Variants in MACROD2 observed in about 807,000 individuals in gnomAD.
MACROD2 encodes the protein mono-ADP ribosylhydrolase 2.
In MACROD2, 36 loss-of-function variants were observed where a neutral mutation model predicts 70.4. The observed-to-expected ratio is 0.51, with a 90% CI of 0.39 to 0.68. The LOEUF is 0.68. Among genes scored for constraint, MACROD2 ranks in the 30% least tolerant of loss-of-function variants. MACROD2 has a pLI of 0.00. For synonymous variants in MACROD2, 172 were observed against 178.8 expected (o/e 0.96, Z 0.30); for missense variants, 496 against 538.4 (o/e 0.92, Z 0.78).
At chr20:15,044,013 G>T (rs563199410) in intron 5 of MACROD2, among the ~76,000 whole-genome samples, 1 of 152,276 alleles carries the variant, frequency 6.6e-6, no homozygotes, top group Non-Finnish European at 1.5e-5. Flanking sequence ...ACTCCATTGT[G>T]TAGGGTTTTT....
rs549570847 is a variant in MACROD2, at chr20:15,936,214, CTATA to C, written c.839-1257_839-1254del. 8.1e-3 allele frequency among the ~76,000 whole-genome samples: 1,183 copies of C among 145,492 alleles called. 8 individuals carry two copies. Among genetic ancestry groups the C allele is most frequent in the Non-Finnish European group, 0.013 (851 of 67,256 alleles). Reference sequence around the variant, plus strand: ...AATATACCATATATGTATAAATATACTATATATAAACTATAGAGTCCATGTAGTA... The same window carrying C: ...AATATACCATATATGTATAAATATACTATAAACTATAGAGTCCATGTAGTA... On this transcript the variant is annotated intron_variant, in intron 11 of 17. Transcript: ENST00000684519.
intron 6 of MACROD2, among the ~76,000 whole-genome samples, chr20:15,305,319 A>G (rs1242348817): frequency 6.6e-6 from 1 of 151,910 alleles, no homozygotes; most frequent in African/African-American, 2.4e-5. Flanking sequence ...TTTCACTTAC[A>G]CTGTCCTCTT....
intron 12 of MACROD2, among the ~76,000 whole-genome samples, chr20:15,957,101 C>A (rs1224414386): frequency 6.6e-6 from 1 of 152,010 alleles, no homozygotes; most frequent in Non-Finnish European, 1.5e-5. Context: ...CTTATAGATG[C>A]TGTTGAGAGT....
rs1287951793 is a variant in MACROD2, at chr20:14,435,565, GTACCCC to G, written c.272-57912_272-57907del. Among the ~76,000 whole-genome samples the G allele has an allele frequency of 2.0e-5, 3 of 152,214 alleles. No homozygotes were observed. The East Asian group carries it at 5.8e-4, about 29-fold the overall frequency. On this transcript the variant is annotated intron_variant, in intron 3 of 17. Coordinates refer to ENST00000684519, the MANE Select transcript of MACROD2 (RefSeq NM_001351661.2). Reference sequence around the variant, plus strand: ...TTTTAATTCAACAGATAGTTATTGAGTACCCCTTATGCGTCATTATAGGTCCTGAAG... The same window carrying G: ...TTTTAATTCAACAGATAGTTATTGAGTTATGCGTCATTATAGGTCCTGAAG...
chr20:15,726,836 G>A (rs750716637), intron 8 of MACROD2, among the ~76,000 whole-genome samples: 3 of 152,008 alleles, frequency 2.0e-5, no homozygotes, highest in Non-Finnish European at 4.4e-5. Context: ...TTAGACCCTT[G>A]TCAGATGCAT....
At chr20:15,071,914 T>C (rs1298493316) in intron 5 of MACROD2, among the ~76,000 whole-genome samples, 1 of 152,160 alleles carries the variant, frequency 6.6e-6, no homozygotes, top group African/African-American at 2.4e-5. Flanking sequence ...CTTCTATTAT[T>C]GTGATTCTCA....
At chr20:14,120,234 AGAAG>A (rs2054569125) in intron 3 of MACROD2, among the ~76,000 whole-genome samples, 2 of 147,510 alleles carry the variant, frequency 1.4e-5, no homozygotes, top group African/African-American at 5.0e-5. Context: ...AAAAAAAAAA[AGAAG>A]AAGACATTTA....
intron 3 of MACROD2, among the ~76,000 whole-genome samples, chr20:14,140,882 C>G (rs751629279): frequency 3.3e-5 from 5 of 152,130 alleles, no homozygotes; most frequent in African/African-American, 4.8e-5. Flanking sequence ...ATCTTTCCTT[C>G]TATGTTGGAA....
At chr20:15,108,138 C>T (rs556280393) in intron 5 of MACROD2, among the ~76,000 whole-genome samples, 2 of 152,172 alleles carry the variant, frequency 1.3e-5, no homozygotes, top group Non-Finnish European at 2.9e-5. Flanking sequence ...CTATGTGATA[C>T]TGGGGTAAGT....
intron 3 of MACROD2, among the ~76,000 whole-genome samples, chr20:14,286,339 G>C (rs2082345037): frequency 1.3e-5 from 2 of 151,824 alleles, no homozygotes; most frequent in Admixed American, 1.3e-4. Context: ...TCTTTATAAA[G>C]TATGCTGTTT....
At chr20:15,172,886 A>G (rs6110538) in intron 5 of MACROD2, among the ~76,000 whole-genome samples, 17,875 of 152,212 alleles carry the variant, frequency 0.12, 1,408 homozygotes, top group African/African-American at 0.22. Flanking sequence ...AAAATTTACT[A>G]TTTTACTAAT....
chr20:15,340,624 G>A (rs755430841), intron 6 of MACROD2, among the ~76,000 whole-genome samples: 1 of 152,022 alleles, frequency 6.6e-6, no homozygotes, highest in African/African-American at 2.4e-5. Flanking sequence ...AGCTCTTTCC[G>A]CCAGACTAAC....
chr20:14,493,176 A>G (rs1305864704), intron 3 of MACROD2, among the ~76,000 whole-genome samples: 1 of 152,016 alleles, frequency 6.6e-6, no homozygotes, highest in East Asian at 1.9e-4. Context: ...AGAGCTCAGA[A>G]GATTAATTTA....
intron 10 of MACROD2, among the ~76,000 whole-genome samples, chr20:15,889,215 T>C (rs1568620016): frequency 6.6e-6 from 1 of 152,104 alleles, no homozygotes; most frequent in Non-Finnish European, 1.5e-5. Flanking sequence ...ATGAGGTCAA[T>C]GAATAGGAGA....
chr20:15,785,185 TG>T (rs1203954458), intron 8 of MACROD2, among the ~76,000 whole-genome samples: 1 of 147,068 alleles, frequency 6.8e-6, no homozygotes, highest in Non-Finnish European at 1.5e-5. Flanking sequence ...AAAAAAATCA[TG>T]GAGTAAAGGG....
At chr20:15,231,986 A>G (rs1360745384) in intron 6 of MACROD2, among the ~76,000 whole-genome samples, 1 of 152,058 alleles carries the variant, frequency 6.6e-6, no homozygotes, top group African/African-American at 2.4e-5. Context: ...CATGTTTTGC[A>G]TGGTAGACTA....
intron 7 of MACROD2, among the ~76,000 whole-genome samples, chr20:15,462,232 A>G (rs1014506468): frequency 6.6e-6 from 1 of 152,196 alleles, no homozygotes; most frequent in African/African-American, 2.4e-5. Context: ...GATTGGAGAG[A>G]ATGCTTGTGA....
intron 5 of MACROD2, among the ~76,000 whole-genome samples, chr20:15,016,473 C>T (rs1239964941): frequency 1.3e-5 from 2 of 152,046 alleles, no homozygotes; most frequent in East Asian, 1.9e-4. Context: ...AGAGCCTAGT[C>T]GGAGGAGTTT....
At chr20:15,177,031 A>C (rs1601181257) in intron 5 of MACROD2, among the ~76,000 whole-genome samples, 1 of 152,018 alleles carries the variant, frequency 6.6e-6, no homozygotes, top group Admixed American at 6.5e-5. Flanking sequence ...GGAGCTGCCC[A>C]CCCTACTGCC....
Sources: gnomAD v4.1 joint callset for allele counts (sites outside exome capture counted in the v4.1 genomes callset) on GRCh38, gnomAD v4.1.1 for gene constraint, MANE v1.5 for transcripts, NCBI Gene and HGNC (gene_info 2026-07-23, HGNC 2026-07-21) for gene names.